TMEM123: variants seen among roughly 807,000 people sequenced by gnomAD.
The protein encoded by TMEM123 is transmembrane protein 123, also known as porimin.
A neutral mutation model predicts 19.7 loss-of-function variants in TMEM123; 16 were observed. The observed-to-expected ratio is 0.81, with a 90% CI of 0.55 to 1.23. The LOEUF (loss-of-function observed/expected upper bound fraction) is 1.23. TMEM123 is among the 50% of genes most tolerant of loss of function. The probability of loss-of-function intolerance (pLI) is 0.00; values close to 1 mark genes in which losing one functional copy is unlikely to be tolerated. For synonymous variants in TMEM123, 118 were observed against 99.4 expected, an observed-to-expected ratio of 1.19 and a Z score of -1.12; for missense variants, 313 against 257.8, an observed-to-expected ratio of 1.21 and a Z score of -1.47.
Position 102,398,401 on chromosome 11 carries a change from T to C in TMEM123, c.*466A>G, listed in dbSNP as rs75493121. ...CTTCAGATCTAGTTTGATTGTATAA[T>C]TTCTGTGTGGCATTAGTAATTAAGA... On this transcript the variant is annotated 3_prime_UTR_variant, in exon 5 of 5. Transcript: ENST00000398136. 0.054 allele frequency: 21,253 copies of C among 396,022 alleles called. 683 individuals carry two copies. Among genetic ancestry groups the C allele is most frequent in the Non-Finnish European group, 0.073 (16,342 of 224,936 alleles). 24.5% of individuals were successfully genotyped at this position (396,022 alleles called of 1,614,324 possible). A position where few individuals can be genotyped will look rare whatever the true frequency, so the allele number is the denominator to read the frequency against.
intron 2 of TMEM123, among the ~76,000 whole-genome samples, chr11:102,410,784 A>G (rs913316589): frequency 8.5e-5 from 13 of 152,060 alleles, no homozygotes; most frequent in African/African-American, 2.7e-4. Context: ...CGTGATCCTT[A>G]TCAGCATGGA....
chr11:102,415,294 A>C (rs1260685490), intron 2 of TMEM123, among the ~76,000 whole-genome samples: 1 of 152,190 alleles, frequency 6.6e-6, no homozygotes, highest in East Asian at 1.9e-4. Flanking sequence ...AAAACTAACA[A>C]AGATATTTGG....
At position 102,401,524 on chromosome 11, in the gene TMEM123, C is replaced by G. The variant is rs765945923; in HGVS notation, c.602+15G>C. 6.5e-7 allele frequency: 1 copy of G among 1,546,432 alleles called. No homozygotes were observed. Among genetic ancestry groups the G allele is most frequent in the East Asian group, 2.3e-5 (1 of 42,888 alleles). On this transcript the variant is annotated intron_variant, in intron 4 of 4. Coordinates refer to ENST00000398136, the MANE Select transcript of TMEM123 (RefSeq NM_052932.3). ...AACAATTTTTTTTAAAAAGTCCTGG[C>G]CATTCAAAACTTACATGGTTCGATA... is the stretch of plus-strand genomic sequence containing the variant.
chr11:102,441,397 A>ATGAGTTAGGAAAAG (rs1395948391), intron 2 of TMEM123, among the ~76,000 whole-genome samples: 1 of 152,208 alleles, frequency 6.6e-6, no homozygotes, highest in African/African-American at 2.4e-5. Context: ...ACTCACTCAA[A>ATGAGTTAGGAAAAG]ACCGCTCAAC....
chr11:102,414,977 G>A (rs890428359), intron 2 of TMEM123, among the ~76,000 whole-genome samples: 7 of 152,040 alleles, frequency 4.6e-5, no homozygotes, highest in South Asian at 2.1e-4. Flanking sequence ...TGACACCCAC[G>A]GGCTCAAAAT....
chr11:102,403,814 G>A (rs1023188546), intron 2 of TMEM123, among the ~76,000 whole-genome samples: 1 of 152,134 alleles, frequency 6.6e-6, no homozygotes, highest in Non-Finnish European at 1.5e-5. Context: ...CAGTTCCTGT[G>A]GAAATGAGTT....
intron 2 of TMEM123, among the ~76,000 whole-genome samples, chr11:102,410,670 G>T (rs1326782712): frequency 6.6e-6 from 1 of 152,090 alleles, no homozygotes; most frequent in African/African-American, 2.4e-5. Flanking sequence ...TCACACCCCT[G>T]TTAGGCTGAC....
intron 2 of TMEM123, among the ~76,000 whole-genome samples, chr11:102,438,113 G>C (rs553771679): frequency 2.0e-5 from 3 of 152,264 alleles, no homozygotes; most frequent in African/African-American, 7.2e-5. Flanking sequence ...GAGTGCAGTG[G>C]CACAATCTCG....
At chr11:102,437,021 T>C (rs962374751) in intron 2 of TMEM123, among the ~76,000 whole-genome samples, 1 of 152,214 alleles carries the variant, frequency 6.6e-6, no homozygotes, top group Non-Finnish European at 1.5e-5. Context: ...CTTTTGTTTT[T>C]CCTGTTCTTG....
chr11:102,415,442 C>G lies in TMEM123; in HGVS notation c.158-13236G>C, dbSNP rs574248111. Among the ~76,000 whole-genome samples, 118 of 152,170 alleles carry G rather than the reference C, an allele frequency of 7.8e-4. 2 individuals are homozygous for G. The highest frequency in any genetic ancestry group is 3.3e-4 in the Admixed American group (5 of 15,276). ...CACATGACACATACCAAATGCTCAG[C>G]CATAAAGCAATTCTCAACAAATTAC... On this transcript the variant is annotated intron_variant, in intron 2 of 4. Transcript: ENST00000398136.
chr11:102,442,624 G>C (rs1172796196), intron 2 of TMEM123, among the ~76,000 whole-genome samples: 1 of 152,158 alleles, frequency 6.6e-6, no homozygotes, highest in African/African-American at 2.4e-5. Context: ...CATTCCCTCT[G>C]AAAACTGGCA....
chr11:102,431,885 G>T (rs958743054), intron 2 of TMEM123, among the ~76,000 whole-genome samples: 1 of 152,110 alleles, frequency 6.6e-6, no homozygotes, highest in Non-Finnish European at 1.5e-5. Flanking sequence ...AGATCTGATG[G>T]TTTTTTAAGC....
intron 2 of TMEM123, among the ~76,000 whole-genome samples, chr11:102,416,298 A>C (rs1188454400): frequency 6.6e-6 from 1 of 152,332 alleles, no homozygotes. Context: ...AGAGCCAAAT[A>C]AACACAATCA....
intron 2 of TMEM123, among the ~76,000 whole-genome samples, chr11:102,438,269 C>G (rs1400800394): frequency 6.6e-6 from 1 of 152,104 alleles, no homozygotes; most frequent in Admixed American, 6.5e-5. Flanking sequence ...GCCAGGTGGT[C>G]TCGCATTCCT....
chr11:102,441,902 A>G (rs1857830303), intron 2 of TMEM123, among the ~76,000 whole-genome samples: 1 of 152,222 alleles, frequency 6.6e-6, no homozygotes. Context: ...ACAAACTACC[A>G]TCAGAGAATA....
chr11:102,403,690 C>A (rs1951931493), intron 2 of TMEM123, among the ~76,000 whole-genome samples: 1 of 152,088 alleles, frequency 6.6e-6, no homozygotes, highest in South Asian at 2.1e-4. Context: ...ATGTGGCGGT[C>A]TTGGGAGGTG....
At position 102,452,505 on chromosome 11, in the gene TMEM123, G is replaced by C; in HGVS notation, c.100+19C>G. 6.7e-7 allele frequency: 1 copy of C among 1,501,538 alleles called. No individual in the cohort carries two copies. Among genetic ancestry groups the C allele is most frequent in the Non-Finnish European group, 8.9e-7 (1 of 1,123,940 alleles). 93.0% of individuals were successfully genotyped at this position (1,501,538 alleles called of 1,614,324 possible). On this transcript the variant is annotated intron_variant, in intron 1 of 4. Transcript: ENST00000398136. ...GCTGCCTCCCACGAACGGGGCTGAC[G>C]ACCCCCGCAGCCACTTACCCGCCAT...
intron 2 of TMEM123, among the ~76,000 whole-genome samples, chr11:102,411,963 G>A (rs1287772630): frequency 2.0e-5 from 3 of 152,086 alleles, no homozygotes; most frequent in African/African-American, 4.8e-5. Flanking sequence ...CTACCCTTCT[G>A]CCCCAGGAGG....
At chr11:102,420,782 C>A (rs1952079114) in intron 2 of TMEM123, among the ~76,000 whole-genome samples, 1 of 152,050 alleles carries the variant, frequency 6.6e-6, no homozygotes, top group Non-Finnish European at 1.5e-5. Flanking sequence ...AACTAGGGGG[C>A]CACCGGGCCT....
Sources: gnomAD v4.1 joint callset for allele counts (sites outside exome capture counted in the v4.1 genomes callset) on GRCh38, gnomAD v4.1.1 for gene constraint, MANE v1.5 for transcripts, NCBI Gene and HGNC (gene_info 2026-07-23, HGNC 2026-07-21) for gene names.